Variants in IGFLR1 observed in about 807,000 individuals in gnomAD.
IGFLR1 encodes IGF like family receptor 1.
Under a neutral mutation model 23.4 loss-of-function variants are expected in IGFLR1, and 17 were observed. The observed-to-expected ratio is 0.73, with a 90% CI of 0.50 to 1.09. IGFLR1 has a LOEUF of 1.09. IGFLR1 is among the 50% of genes least tolerant of loss of function. IGFLR1 has a pLI of 0.00. For synonymous variants in IGFLR1, 265 were observed against 210.7 expected, an observed-to-expected ratio of 1.26 and a Z score of -2.23; for missense variants, 556 against 459.2, an observed-to-expected ratio of 1.21 and a Z score of -1.93.
rs1299552912 is a variant in IGFLR1 at position 35,740,526 on chromosome 19, C to A, written c.196G>T (p.Gly66Cys). 2.5e-6 allele frequency: 4 copies of A among 1,611,724 alleles called. No homozygotes were observed. The South Asian group carries it at 4.4e-5, about 18-fold the overall frequency. Reference protein sequence around the residue: ...FRENCGLNDHGDFVTPPFRKC... With the variant: ...FRENCGLNDHCDFVTPPFRKC... ...CGGAACGGGGGCGTTACGAAATCGC[C>A]GTGGTCATTGAGTCCGCAGTTTTCC... The change falls in exon 3 of 5, where the codon GGC becomes TGC. Residue 66 changes from glycine to cysteine, a missense_variant. Gly to Cys is a radical substitution (Grantham distance 159). Coordinates refer to ENST00000246532, the MANE Select transcript of IGFLR1 (RefSeq NM_024660.4).
Position 35,738,857 on chromosome 19 carries a change from A to T in IGFLR1, c.*423T>A. ...GGTCCCAGGTGGGAACCCCCCCACA[A>T]TAAAGTCTGTCAATGTTTGGAGAGG... On this transcript the variant is annotated 3_prime_UTR_variant, in exon 5 of 5. Coordinates refer to ENST00000246532, the MANE Select transcript of IGFLR1 (RefSeq NM_024660.4). This position sits in a 1 kb window ranked among gnomAD's most constrained non-coding sequence, Gnocchi z 8.7. 1 of 484,322 alleles carries T rather than the reference A, an allele frequency of 2.1e-6. No homozygotes were observed. The highest frequency in any genetic ancestry group is 3.7e-6 in the Non-Finnish European group (1 of 273,180). 30.0% of individuals were successfully genotyped at this position (484,322 alleles called of 1,614,324 possible).
chr19:35,741,311 T>C (rs1970220551), intron 1 of IGFLR1, 88 bp from the exon 2 acceptor site: 5 of 1,380,852 alleles, frequency 3.6e-6, no homozygotes, highest in South Asian at 1.3e-5. Context: ...GCCGGGAATC[T>C]ACCCCCGAGC....
chr19:35,740,904 G>A, intron 2 of IGFLR1, 120 bp downstream of exon 2: 3 of 922,818 alleles, frequency 3.3e-6, no homozygotes, highest in Non-Finnish European at 4.9e-6. Context: ...ATCTGCATAA[G>A]GCCCACCGCT....
In IGFLR1 at chr19:35,741,108, A is replaced by C; in HGVS notation, c.73T>G (p.Tyr25Asp). 1 of 1,603,578 alleles carries C rather than the reference A, an allele frequency of 6.2e-7. No individual in the cohort carries two copies. The highest frequency in any genetic ancestry group is 1.1e-5 in the South Asian group (1 of 90,480). Reference sequence around the variant, plus strand: ...TTCCAGTATTCAAGGCGGCCGCAGTACTGGGAGGCTTCCGGCGGTGGCGCC... The same window carrying C: ...TTCCAGTATTCAAGGCGGCCGCAGTCCTGGGAGGCTTCCGGCGGTGGCGCC... Reference protein sequence around the residue: ...ALAPPPEASQYCGRLEYWNPD... With the variant: ...ALAPPPEASQDCGRLEYWNPD... Residue 25 changes from tyrosine (Y) to aspartate (D), a missense_variant, in exon 2 of 5, where the codon TAC (tyrosine) becomes GAC (aspartate). Coordinates refer to ENST00000246532, the MANE Select transcript of IGFLR1 (RefSeq NM_024660.4).
At position 35,740,503 on chromosome 19, in the gene IGFLR1, G is replaced by A; in HGVS notation, c.219C>T (p.Phe73=). The change falls in exon 3 of 5, where the codon TTC becomes TTT. Residue 73 remains phenylalanine, a synonymous_variant. Coordinates refer to ENST00000246532, the MANE Select transcript of IGFLR1 (RefSeq NM_024660.4). ...NDHGDFVTPP[F]RKCSSGQCNP... ...TGCACTGCCCAGAAGAACACTTTCG[G>A]AACGGGGGCGTTACGAAATCGCCGT... 1 of 1,613,004 alleles carries A rather than the reference G, an allele frequency of 6.2e-7. No homozygotes were observed.
chr19:35,740,835 G>A, intron 2 of IGFLR1, 189 bp downstream of exon 2: 1 of 654,022 alleles, frequency 1.5e-6, no homozygotes, highest in Non-Finnish European at 2.6e-6. Context: ...ATATCCATTC[G>A]CTGTTGCCCT....
In IGFLR1 at chr19:35,740,491, A is replaced by G. The variant is rs1194333746; in HGVS notation, c.231T>C (p.Ser77=). The G allele has an allele frequency of 6.2e-7, 1 of 1,613,096 alleles. No individual in the cohort carries two copies. Among genetic ancestry groups the G allele is most frequent in the Non-Finnish European group, 8.5e-7 (1 of 1,179,864 alleles). ...DFVTPPFRKC[S]SGQCNPDGAE... ...CGCCGTCGGGGTTGCACTGCCCAGA[A>G]GAACACTTTCGGAACGGGGGCGTTA... The change falls in exon 3 of 5, where the codon TCT becomes TCC. Residue 77 remains serine, a synonymous_variant. Coordinates refer to ENST00000246532, the MANE Select transcript of IGFLR1 (RefSeq NM_024660.4).
intron 2 of IGFLR1, 35 bp from the exon 3 acceptor site, chr19:35,740,599 A>G: frequency 6.4e-7 from 1 of 1,564,168 alleles, no homozygotes; most frequent in Non-Finnish European, 8.7e-7. Context: ...GCGGCCGCCT[A>G]GCCCGCCCCT....
chr19:35,739,893 G>A lies in IGFLR1; in HGVS notation c.538C>T (p.Leu180=), dbSNP rs1490842455. 6.2e-7 allele frequency: 1 copy of A among 1,614,134 alleles called. No homozygotes were observed. The highest frequency in any genetic ancestry group is 1.1e-5 in the South Asian group (1 of 91,086). ...LLTLAVIAIL[L]FILLWHLCWP... is the part of the protein sequence containing the mutation. The stretch of plus-strand genomic sequence containing the variant: ...CAGAGATGCCAGAGCAGAATAAACA[G>A]GAGGATCGCTATCACCGCCAAGGTC... Residue 180 remains leucine, a synonymous_variant, in exon 4 of 5, where the codon CTG becomes TTG. Transcript: ENST00000246532.
rs151173675 is a variant in IGFLR1 at position 35,740,470 on chromosome 19, G to A, written c.252C>T (p.Asp84=). The change falls in exon 3 of 5, where the codon GAC becomes GAT. Residue 84 remains aspartate, a synonymous_variant. Transcript: ENST00000246532. ...RKCSSGQCNP[D]GAELCSPCGG... is the part of the protein sequence containing the mutation. ...CGCAGGGGCTACATAGCTCCGCGCC[G>A]TCGGGGTTGCACTGCCCAGAAGAAC... The A allele has an allele frequency of 2.7e-3, 4,392 of 1,612,986 alleles. 11 individuals carry two copies. Among genetic ancestry groups the A allele is most frequent in the Admixed American group, 3.2e-3 (195 of 60,002 alleles).
chr19:35,742,116 A>G (rs1434212699), intron 1 of IGFLR1, among the ~76,000 whole-genome samples: 1 of 152,208 alleles, frequency 6.6e-6, no homozygotes, highest in Non-Finnish European at 1.5e-5. Context: ...TAAAAAAAAC[A>G]AAAACAAACT....
At chr19:35,740,115 T>G (rs773196506) in intron 3 of IGFLR1, 27 bp from the exon 4 acceptor site, 2 of 1,587,176 alleles carry the variant, frequency 1.3e-6, no homozygotes, top group African/African-American at 2.7e-5. Flanking sequence ...GGAGTAAAGC[T>G]GGAGGCCACA....
At chr19:35,740,227 C>T (rs1970132968) in intron 3 of IGFLR1, 139 bp from the exon 4 acceptor site, 2 of 1,329,268 alleles carry the variant, frequency 1.5e-6, no homozygotes, top group South Asian at 1.5e-5. Flanking sequence ...CCCCGCAAGG[C>T]CCAACTACCT....
At chr19:35,740,893 G>A (rs923279288) in intron 2 of IGFLR1, 131 bp downstream of exon 2, 1 of 820,444 alleles carries the variant, frequency 1.2e-6, no homozygotes, top group Non-Finnish European at 1.9e-6. Context: ...ATCCCTGTCT[G>A]ATCTGCATAA....
At position 35,741,904 on chromosome 19, in the gene IGFLR1, T is replaced by A. The variant is rs191241774; in HGVS notation, c.-44+492A>T. 3.3e-3 allele frequency among the ~76,000 whole-genome samples: 502 copies of A among 152,166 alleles called. 2 individuals carry two copies. Among genetic ancestry groups the A allele is most frequent in the African/African-American group, 0.011 (475 of 41,516 alleles). ...AGGTGGGTGGATCACCTGAGGTCAG[T>A]AGTTCAAAACCAGCCTGGCCTACAT... On this transcript the variant is annotated intron_variant, in intron 1 of 4. Coordinates refer to ENST00000246532, the MANE Select transcript of IGFLR1 (RefSeq NM_024660.4).
At chr19:35,740,703 CT>C in intron 2 of IGFLR1, 139 bp from the exon 3 acceptor site, 1 of 836,046 alleles carries the variant, frequency 1.2e-6, no homozygotes, top group Non-Finnish European at 1.8e-6. Flanking sequence ...GGTCTTGTCA[CT>C]TTTCTCCGGG....
chr19:35,741,070 C>G lies in IGFLR1; in HGVS notation c.111G>C (p.Lys37Asn), dbSNP rs748584853. The change falls in exon 2 of 5, where the codon AAG becomes AAC. Residue 37 changes from lysine to asparagine, a missense_variant. By Grantham distance (94) the Lys-to-Asn change is moderately conservative. Transcript: ENST00000246532. ...GRLEYWNPDN[K>N]CCSSCLQRFG... ...AGCGTTGCAGGCAGCTGCTGCAGCA[C>G]TTGTTGTCTGGGTTCCAGTATTCAA... 3.7e-6 allele frequency: 6 copies of G among 1,607,542 alleles called. No individual in the cohort carries two copies. In the African/African-American group the frequency reaches 6.7e-5, roughly 18 times the overall value.
chr19:35,740,898 GC>G, intron 2 of IGFLR1, 125 bp downstream of exon 2: 1 of 874,762 alleles, frequency 1.1e-6, no homozygotes, highest in Non-Finnish European at 1.8e-6. Flanking sequence ...TGTCTGATCT[GC>G]ATAAGGCCCA....
intron 1 of IGFLR1, among the ~76,000 whole-genome samples, chr19:35,741,994 C>T (rs1190590228): frequency 6.6e-6 from 1 of 152,026 alleles, no homozygotes; most frequent in Non-Finnish European, 1.5e-5. Context: ...GCCTGTAAAT[C>T]CCAGCTACTT....
Sources: gnomAD v4.1 joint callset for allele counts (sites outside exome capture counted in the v4.1 genomes callset) on GRCh38, gnomAD v4.1.1 for gene constraint, Gnocchi (gnomAD v3.1) non-coding constraint, MANE v1.5 for transcripts, NCBI Gene and HGNC (gene_info 2026-07-23, HGNC 2026-07-21) for gene names.